AKAP6: variants seen among roughly 807,000 people sequenced by gnomAD.
The protein encoded by AKAP6 is A-kinase anchor protein 6.
AKAP6 carries 58 observed loss-of-function variants against 188.5 expected under a neutral mutation model. That is an observed-to-expected ratio of 0.31 (90% CI 0.25 to 0.38). AKAP6 has a LOEUF of 0.38. AKAP6 is among the 10% of genes least tolerant of loss of function. The pLI, the probability that AKAP6 is intolerant of heterozygous loss-of-function variation, is 1.00. For missense variants in AKAP6, 2,710 were observed against 2,740.0 expected (o/e 0.99, Z 0.24); for synonymous variants, 989 against 998.6 (o/e 0.99, Z 0.18).
chr14:32,623,192 A>G (rs1164072448), intron 7 of AKAP6, among the ~76,000 whole-genome samples: 1 of 152,182 alleles, frequency 6.6e-6, no homozygotes, highest in Non-Finnish European at 1.5e-5. Context: ...TAAAAGATAC[A>G]GGATCTGAAA....
intron 1 of AKAP6, among the ~76,000 whole-genome samples, chr14:32,353,205 T>C (rs1887351087): frequency 6.6e-6 from 1 of 152,138 alleles, no homozygotes; most frequent in African/African-American, 2.4e-5. Context: ...AACCTACAAA[T>C]TGGTACACCC....
intron 1 of AKAP6, among the ~76,000 whole-genome samples, chr14:32,379,870 G>A (rs1002110833): frequency 5.3e-5 from 8 of 152,044 alleles, no homozygotes; most frequent in African/African-American, 1.9e-4. Flanking sequence ...ACCTCTAATC[G>A]TGTATCAAAC....
At chr14:32,413,849 T>G (rs1385965559) in intron 1 of AKAP6, among the ~76,000 whole-genome samples, 1 of 151,786 alleles carries the variant, frequency 6.6e-6, no homozygotes, top group Non-Finnish European at 1.5e-5. Flanking sequence ...ACTTAAATTG[T>G]CAGGCTTCTG....
Position 32,821,928 on chromosome 14 carries a change from C to G in AKAP6, c.4115C>G (p.Thr1372Arg). 6.2e-7 allele frequency: 1 copy of G among 1,613,926 alleles called. No individual in the cohort carries two copies. Among genetic ancestry groups the G allele is most frequent in the African/African-American group, 1.3e-5 (1 of 75,006 alleles). ...SESGIVSEGD[T>R]ETTTNSEMCL... ...AGTGGAATTGTCAGTGAAGGAGACA[C>G]AGAAACCACTACCAACTCTGAAATG... is the stretch of plus-strand genomic sequence containing the variant. Residue 1372 changes from threonine to arginine, a missense_variant, in exon 13 of 14, where the codon ACA becomes AGA. By Grantham distance (71) the Thr-to-Arg change is moderately conservative (BLOSUM62 -1). Coordinates refer to ENST00000280979, the MANE Select transcript of AKAP6 (RefSeq NM_004274.5).
chr14:32,781,911 C>T (rs1302104032), intron 12 of AKAP6, among the ~76,000 whole-genome samples: 1 of 151,954 alleles, frequency 6.6e-6, no homozygotes, highest in Non-Finnish European at 1.5e-5. Flanking sequence ...ACCTGTAATC[C>T]CAGCACTTTG....
At chr14:32,640,510 A>G (rs558083508) in intron 7 of AKAP6, among the ~76,000 whole-genome samples, 115 of 152,244 alleles carry the variant, frequency 7.6e-4, no homozygotes, top group Non-Finnish European at 1.2e-3. Flanking sequence ...AAAGTAAACA[A>G]TTTTCTTTTG....
At chr14:32,359,289 C>A (rs1165869344) in intron 1 of AKAP6, among the ~76,000 whole-genome samples, 1 of 151,946 alleles carries the variant, frequency 6.6e-6, no homozygotes, top group Admixed American at 6.6e-5. Flanking sequence ...CTGTTTATTT[C>A]TGATTTTTGA....
At chr14:32,577,020 A>G (rs1320468493) in intron 4 of AKAP6, 100 bp from the exon 5 acceptor site, 1 of 1,359,240 alleles carries the variant, frequency 7.4e-7, no homozygotes, top group East Asian at 2.5e-5. Flanking sequence ...CGATTTGATC[A>G]TGGATAAAAT....
At chr14:32,570,620 C>CT (rs1186176486) in intron 4 of AKAP6, among the ~76,000 whole-genome samples, 3 of 152,138 alleles carry the variant, frequency 2.0e-5, no homozygotes, top group African/African-American at 7.2e-5. Flanking sequence ...TTAAACTATA[C>CT]TTTTCCGATT....
intron 7 of AKAP6, among the ~76,000 whole-genome samples, chr14:32,642,186 G>T (rs1003474286): frequency 3.9e-5 from 6 of 152,130 alleles, no homozygotes; most frequent in African/African-American, 1.4e-4. Flanking sequence ...TACTTGGCTA[G>T]TTATACATCT....
intron 7 of AKAP6, among the ~76,000 whole-genome samples, chr14:32,646,142 G>A (rs1887978410): frequency 6.6e-6 from 1 of 151,946 alleles, no homozygotes; most frequent in Non-Finnish European, 1.5e-5. Flanking sequence ...ATTGAGTATT[G>A]AAAAAGTGGG....
intron 11 of AKAP6, among the ~76,000 whole-genome samples, chr14:32,768,826 G>C (rs1170793858): frequency 1.3e-5 from 2 of 152,022 alleles, no homozygotes; most frequent in African/African-American, 4.8e-5. Context: ...CATCACCCCA[G>C]TATTCCTGAT....
At chr14:32,536,747 G>A (rs796902039) in intron 3 of AKAP6, among the ~76,000 whole-genome samples, 3 of 152,072 alleles carry the variant, frequency 2.0e-5, no homozygotes, top group South Asian at 2.1e-4. Flanking sequence ...ATCTGAATTC[G>A]AGTGAACTGT....
chr14:32,527,451 G>A (rs1283255755), intron 2 of AKAP6, among the ~76,000 whole-genome samples: 9 of 152,200 alleles, frequency 5.9e-5, no homozygotes, highest in East Asian at 5.8e-4. Context: ...GTGGATATGA[G>A]TTTTCAACTC....
At chr14:32,591,960 T>C (rs1328918922) in intron 5 of AKAP6, among the ~76,000 whole-genome samples, 1 of 152,238 alleles carries the variant, frequency 6.6e-6, no homozygotes, top group Non-Finnish European at 1.5e-5. Flanking sequence ...ACAGTTTACA[T>C]GGCAATTACG....
intron 5 of AKAP6, among the ~76,000 whole-genome samples, chr14:32,579,587 G>A (rs78902977): frequency 2.6e-5 from 4 of 151,966 alleles, no homozygotes; most frequent in African/African-American, 4.8e-5. Context: ...TTCTTAAAGC[G>A]CAATCAAGAG....
At chr14:32,672,369 A>G (rs570445153) in intron 7 of AKAP6, among the ~76,000 whole-genome samples, 1 of 152,308 alleles carries the variant, frequency 6.6e-6, no homozygotes, top group Admixed American at 6.5e-5. Context: ...TGGGTGGCTA[A>G]ACAGCAGAAA....
At chr14:32,558,390 A>C (rs576183582) in intron 4 of AKAP6, among the ~76,000 whole-genome samples, 1 of 152,232 alleles carries the variant, frequency 6.6e-6, no homozygotes, top group Non-Finnish European at 1.5e-5. Flanking sequence ...GTGCCAAGGG[A>C]AAATTCATGC....
intron 11 of AKAP6, among the ~76,000 whole-genome samples, chr14:32,766,298 G>A (rs1277678815): frequency 6.6e-6 from 1 of 152,016 alleles, no homozygotes; most frequent in Non-Finnish European, 1.5e-5. Context: ...TTGGCTTTAT[G>A]AATAATGCCA....
Sources: gnomAD v4.1 joint callset for allele counts (sites outside exome capture counted in the v4.1 genomes callset) on GRCh38, gnomAD v4.1.1 for gene constraint, MANE v1.5 for transcripts, NCBI Gene and HGNC (gene_info 2026-07-23, HGNC 2026-07-21) for gene names.